Variants in SLC9A9 observed in about 807,000 individuals in gnomAD.
The protein encoded by SLC9A9 is solute carrier family 9 member A9.
A neutral mutation model predicts 77.8 loss-of-function variants in SLC9A9; 62 were observed. That is an observed-to-expected ratio of 0.80 (90% CI 0.65 to 0.98). The LOEUF (loss-of-function observed/expected upper bound fraction) is 0.98. SLC9A9 is among the 50% of genes least tolerant of loss of function. SLC9A9 has a pLI of 0.00. For missense variants in SLC9A9, 775 were observed against 774.9 expected, an observed-to-expected ratio of 1.00 and a Z score of 0.00; for synonymous variants, 320 against 283.5, an observed-to-expected ratio of 1.13 and a Z score of -1.29.
At chr3:143,345,549 G>A (rs2032238580) in intron 14 of SLC9A9, among the ~76,000 whole-genome samples, 1 of 152,186 alleles carries the variant, frequency 6.6e-6, no homozygotes, top group South Asian at 2.1e-4. Flanking sequence ...CAGATAAGTG[G>A]GTTGAGGAAT....
At chr3:143,517,506 G>A (rs1422528155) in intron 9 of SLC9A9, 12 of 1,597,524 alleles carry the variant, frequency 7.5e-6, no homozygotes, top group South Asian at 2.2e-5. Context: ...CGCTCTTCAC[G>A]TTTTCGCTCA....
intron 12 of SLC9A9, among the ~76,000 whole-genome samples, chr3:143,393,972 CAA>C (rs1054669143): frequency 4.6e-5 from 7 of 151,778 alleles, no homozygotes; most frequent in African/African-American, 1.7e-4. Flanking sequence ...GCTTACCAAC[CAA>C]AAAAAGTCCA....
intron 14 of SLC9A9, among the ~76,000 whole-genome samples, chr3:143,291,406 G>C (rs1028293346): frequency 6.6e-6 from 1 of 152,188 alleles, no homozygotes; most frequent in African/African-American, 2.4e-5. Context: ...GGAAGGCCGG[G>C]AGGCAGGGTT....
intron 2 of SLC9A9, among the ~76,000 whole-genome samples, chr3:143,831,764 CTG>C (rs1444348826): frequency 6.6e-6 from 1 of 152,020 alleles, no homozygotes; most frequent in Non-Finnish European, 1.5e-5. Context: ...CCAAATATAA[CTG>C]TGGCTTGCAG....
intron 9 of SLC9A9, among the ~76,000 whole-genome samples, chr3:143,510,802 G>A (rs1441542082): frequency 6.6e-6 from 1 of 152,084 alleles, no homozygotes; most frequent in Admixed American, 6.5e-5. Context: ...TTTTCCTGGG[G>A]TCAAACTTGT....
intron 12 of SLC9A9, among the ~76,000 whole-genome samples, chr3:143,410,214 TA>T (rs1331319630): frequency 5.3e-5 from 8 of 152,172 alleles, no homozygotes; most frequent in African/African-American, 1.9e-4. Context: ...CAGCCTAAAT[TA>T]AACGGTTTTT....
chr3:143,583,418 A>G lies in SLC9A9; in HGVS notation c.756-4695T>C, dbSNP rs537340238. Among the ~76,000 whole-genome samples, 6 of 152,312 alleles carry G rather than the reference A, an allele frequency of 3.9e-5. No individual in the cohort carries two copies. The South Asian group carries it at 1.2e-3, about 32-fold the overall frequency. On this transcript the variant is annotated intron_variant, in intron 6 of 15. Transcript: ENST00000316549. ...TTACTGTATCATTTCACTTTCACAG[A>G]CATTATTGAGACTTCAGTGTTTCTC...
intron 4 of SLC9A9, among the ~76,000 whole-genome samples, chr3:143,735,392 C>A (rs945085832): frequency 1.3e-5 from 2 of 152,120 alleles, no homozygotes; most frequent in Non-Finnish European, 2.9e-5. Context: ...ATTTAAAAAG[C>A]TGTACTATTA....
intron 13 of SLC9A9, among the ~76,000 whole-genome samples, chr3:143,379,137 C>T (rs7650457): frequency 0.86 from 130,968 of 152,136 alleles, 56,809 homozygotes; most frequent in African/African-American, 0.96. Flanking sequence ...AGAAGGGTTT[C>T]TGTGTATGTG....
intron 2 of SLC9A9, among the ~76,000 whole-genome samples, chr3:143,818,125 T>C (rs1400540673): frequency 6.6e-6 from 1 of 152,220 alleles, no homozygotes; most frequent in African/African-American, 2.4e-5. Context: ...GATAAAATAC[T>C]TTCTTGTCAC....
At chr3:143,651,699 C>T (rs2038799381) in intron 6 of SLC9A9, among the ~76,000 whole-genome samples, 1 of 152,166 alleles carries the variant, frequency 6.6e-6, no homozygotes, top group Non-Finnish European at 1.5e-5. Flanking sequence ...ATCCCCCCAC[C>T]CTAATATCCT....
At chr3:143,540,390 A>C (rs543004625) in intron 9 of SLC9A9, among the ~76,000 whole-genome samples, 1 of 152,284 alleles carries the variant, frequency 6.6e-6, no homozygotes, top group African/African-American at 2.4e-5. Context: ...TCTTGGCTCT[A>C]CCTATTAAGG....
chr3:143,569,457 G>A (rs912280957), intron 8 of SLC9A9, among the ~76,000 whole-genome samples: 6 of 151,994 alleles, frequency 3.9e-5, no homozygotes, highest in African/African-American at 1.4e-4. Flanking sequence ...AAATCAAATC[G>A]CTACTATACC....
chr3:143,581,737 G>A (rs2037457605), intron 6 of SLC9A9, among the ~76,000 whole-genome samples: 1 of 152,182 alleles, frequency 6.6e-6, no homozygotes, highest in Non-Finnish European at 1.5e-5. Context: ...GACAACAGGA[G>A]TTCAGGTACT....
In SLC9A9 at chr3:143,467,081, T is replaced by G. The variant is rs61734422; in HGVS notation, c.1425A>C (p.Val475=). ...ACATGGGGGTTGTTCCTCCTCCAAA[T>G]ACCCAGACAGTGAAGAACACGAGGA... ...TLLLVFFTVW[V]FGGGTTPMLT... The change falls in exon 12 of 16, where the codon GTA becomes GTC. Residue 475 remains valine (V), a synonymous_variant. Transcript: ENST00000316549. 3,062 of 1,614,048 alleles carry G rather than the reference T, an allele frequency of 1.9e-3. 51 individuals carry two copies. The African/African-American group carries it at 0.033, about 18-fold the overall frequency.
chr3:143,288,451 A>G (rs1230756223), intron 14 of SLC9A9, among the ~76,000 whole-genome samples: 1 of 152,184 alleles, frequency 6.6e-6, no homozygotes, highest in Non-Finnish European at 1.5e-5. Context: ...CAACTTAGAA[A>G]GGAAACCTGA....
At chr3:143,643,289 C>T (rs889010445) in intron 6 of SLC9A9, among the ~76,000 whole-genome samples, 3 of 152,174 alleles carry the variant, frequency 2.0e-5, no homozygotes, top group African/African-American at 7.2e-5. Context: ...TTTCCTGTAT[C>T]ACAACTGCCC....
chr3:143,509,237 G>A (rs1319421554), intron 9 of SLC9A9, among the ~76,000 whole-genome samples: 1 of 152,172 alleles, frequency 6.6e-6, no homozygotes, highest in Non-Finnish European at 1.5e-5. Context: ...TTTGGATAAT[G>A]TCATTCAATT....
At chr3:143,800,366 C>T (rs563499626) in intron 2 of SLC9A9, among the ~76,000 whole-genome samples, 5 of 152,298 alleles carry the variant, frequency 3.3e-5, no homozygotes, top group African/African-American at 9.6e-5. Context: ...ATTCTCCTTA[C>T]AATTCCCCCA....
Sources: gnomAD v4.1 joint callset for allele counts (sites outside exome capture counted in the v4.1 genomes callset) on GRCh38, gnomAD v4.1.1 for gene constraint, MANE v1.5 for transcripts, NCBI Gene and HGNC (gene_info 2026-07-23, HGNC 2026-07-21) for gene names.